The following ORC4 variants were observed in gnomAD, a reference collection of about 807,000 sequenced individuals.
ORC4 encodes origin recognition complex subunit 4.
A neutral mutation model predicts 63.9 loss-of-function variants in ORC4; 55 were observed. That is an observed-to-expected ratio of 0.86 (90% CI 0.69 to 1.08). The LOEUF (loss-of-function observed/expected upper bound fraction) is 1.08, where lower values mean the gene tolerates loss of function less well. ORC4 is among the 50% of genes least tolerant of loss of function. ORC4 has a pLI of 0.00. For missense variants in ORC4, 511 were observed against 504.4 expected, an observed-to-expected ratio of 1.01 and a Z score of -0.13; for synonymous variants, 150 against 168.5, an observed-to-expected ratio of 0.89 and a Z score of 0.85.
chr2:147,973,515 T>C lies in ORC4; in HGVS notation c.67A>G (p.Ile23Val), dbSNP rs1690348122. Residue 23 changes from isoleucine (I) to valine (V), a missense_variant, in exon 3 of 14, where the codon ATT (isoleucine) becomes GTT (valine). Transcript: ENST00000392857. The stretch of plus-strand genomic sequence containing the variant: ...TGACGACAAAATCTTTCACGTAAAA[T>C]TCTTTGTACCTGATGAAAATAAAGT... ...HTECLSQVQRILRERFCRQSP... is the reference protein window; with the variant it reads ...HTECLSQVQRVLRERFCRQSP... 6.3e-7 allele frequency: 1 copy of C among 1,585,574 alleles called. No homozygotes were observed. The highest frequency in any genetic ancestry group is 8.7e-7 in the Non-Finnish European group (1 of 1,155,306).
At chr2:147,944,677 G>T (rs1048789248) in intron 9 of ORC4, among the ~76,000 whole-genome samples, 3 of 140,956 alleles carry the variant, frequency 2.1e-5, no homozygotes, top group Non-Finnish European at 4.6e-5. Context: ...AAAATCATCT[G>T]CATGGAATAA....
chr2:147,998,479 T>A (rs1692111502), intron 1 of ORC4, among the ~76,000 whole-genome samples: 1 of 152,196 alleles, frequency 6.6e-6, no homozygotes, highest in South Asian at 2.1e-4. Flanking sequence ...GCTTAGTTCC[T>A]TCCCACAAGA....
chr2:147,946,596 A>T (rs1193705562), intron 9 of ORC4, among the ~76,000 whole-genome samples: 2 of 152,102 alleles, frequency 1.3e-5, no homozygotes, highest in Non-Finnish European at 2.9e-5. Flanking sequence ...GGTAATTGAA[A>T]TACCCGAGTC....
chr2:148,015,551 T>G (rs1693228685), intron 1 of ORC4, among the ~76,000 whole-genome samples: 1 of 152,012 alleles, frequency 6.6e-6, no homozygotes, highest in Non-Finnish European at 1.5e-5. Context: ...CCTGACCTCG[T>G]GATCCGCCCA....
Position 147,966,050 on chromosome 2 carries a change from A to T in ORC4, c.225+6689T>A, listed in dbSNP as rs191044979. 4.0e-4 allele frequency among the ~76,000 whole-genome samples: 61 copies of T among 152,182 alleles called. No individual in the cohort carries two copies. In the East Asian group the frequency reaches 8.3e-3, roughly 21 times the overall value. ...GGGAGACCTGGTCTATATTTTTTTT[A>T]AAAAGTAATAATAATGACAGGAACA... is the stretch of plus-strand genomic sequence containing the variant. On this transcript the variant is annotated intron_variant, in intron 4 of 13. Coordinates refer to ENST00000392857, the MANE Select transcript of ORC4 (RefSeq NM_181741.4).
intron 8 of ORC4, among the ~76,000 whole-genome samples, chr2:147,948,997 AT>A (rs1196092881): frequency 1.4e-5 from 2 of 147,598 alleles, no homozygotes; most frequent in Non-Finnish European, 3.0e-5. Flanking sequence ...AGTACACAGC[AT>A]ATTATATATA....
At chr2:148,019,409 G>A (rs971755495) in intron 1 of ORC4, among the ~76,000 whole-genome samples, 5 of 152,178 alleles carry the variant, frequency 3.3e-5, no homozygotes, top group Non-Finnish European at 5.9e-5. Flanking sequence ...GACCAACATG[G>A]TGAAACCCCG....
chr2:148,006,098 A>G (rs990238057), intron 1 of ORC4, among the ~76,000 whole-genome samples: 32 of 152,332 alleles, frequency 2.1e-4, no homozygotes, highest in Admixed American at 1.9e-3. Flanking sequence ...TAGGAAAGAC[A>G]GTCTTGCGCT....
At chr2:148,015,208 T>C (rs1693201844) in intron 1 of ORC4, among the ~76,000 whole-genome samples, 2 of 151,042 alleles carry the variant, frequency 1.3e-5, no homozygotes, top group Admixed American at 6.6e-5. Flanking sequence ...AAAAAAAAAT[T>C]CTAAAAGAGA....
At chr2:147,947,024 T>A (rs1354242360) in intron 9 of ORC4, among the ~76,000 whole-genome samples, 1 of 152,028 alleles carries the variant, frequency 6.6e-6, no homozygotes, top group Non-Finnish European at 1.5e-5. Context: ...TATTTTATAA[T>A]CAAACAATAA....
At chr2:148,014,015 G>A (rs994141891) in intron 1 of ORC4, among the ~76,000 whole-genome samples, 1 of 152,164 alleles carries the variant, frequency 6.6e-6, no homozygotes, top group Non-Finnish European at 1.5e-5. Context: ...AAAAAAGGCT[G>A]AGCTAATGGA....
intron 13 of ORC4, among the ~76,000 whole-genome samples, chr2:147,937,683 T>C (rs1214707809): frequency 1.3e-5 from 2 of 152,328 alleles, no homozygotes; most frequent in East Asian, 3.9e-4. Context: ...ATCTTTGTAG[T>C]GGACAATGGT....
intron 1 of ORC4, among the ~76,000 whole-genome samples, chr2:147,990,673 G>A (rs1691527225): frequency 6.6e-6 from 1 of 152,146 alleles, no homozygotes; most frequent in Non-Finnish European, 1.5e-5. Context: ...GGTAATTACT[G>A]ACAGTTTTGT....
chr2:147,938,315 A>T lies in ORC4; in HGVS notation c.1037T>A (p.Phe346Tyr), dbSNP rs1403915842. The T allele has an allele frequency of 6.2e-7, 1 of 1,605,860 alleles. No homozygotes were observed. Residue 346 changes from phenylalanine (F) to tyrosine (Y), a missense_variant, in exon 12 of 14, where the codon TTT (phenylalanine) becomes TAT (tyrosine). Physicochemically the swap from Phe to Tyr is conservative, Grantham distance 22. Coordinates refer to ENST00000392857, the MANE Select transcript of ORC4 (RefSeq NM_181741.4). ...CATCTCACCATTATAGACCATTTGA[A>T]AATTAAATGGCTCTTCCTCATAGAT... ...NDIYEEEPFN[F>Y]QMVYNEFQKF...
chr2:148,008,312 AG>A (rs1233807700), intron 1 of ORC4, among the ~76,000 whole-genome samples: 1 of 152,230 alleles, frequency 6.6e-6, no homozygotes, highest in Non-Finnish European at 1.5e-5. Context: ...CTATATTGTT[AG>A]AAGAGTTCTA....
chr2:148,000,605 G>A (rs1181801664), intron 1 of ORC4, among the ~76,000 whole-genome samples: 3 of 152,070 alleles, frequency 2.0e-5, no homozygotes, highest in Non-Finnish European at 4.4e-5. Flanking sequence ...TAGGATATAG[G>A]AAACAGAGGA....
chr2:147,958,926 GT>G, intron 4 of ORC4, 60 bp from the exon 5 acceptor site: 1 of 730,832 alleles, frequency 1.4e-6, no homozygotes, highest in Non-Finnish European at 2.4e-6. Context: ...GTCCATATTC[GT>G]TTTTAAACTA....
intron 1 of ORC4, among the ~76,000 whole-genome samples, chr2:147,996,974 T>TAAA (rs1692011616): frequency 6.6e-6 from 1 of 152,254 alleles, no homozygotes; most frequent in African/African-American, 2.4e-5. Context: ...CAGTTTTATT[T>TAAA]ATAATTGCCA....
chr2:147,987,037 A>AT (rs929165898), intron 1 of ORC4, among the ~76,000 whole-genome samples: 29 of 148,520 alleles, frequency 2.0e-4, no homozygotes, highest in East Asian at 3.9e-4. Context: ...ACTTAAAACT[A>AT]TTTTTTTTTT....
Sources: gnomAD v4.1 joint callset for allele counts (sites outside exome capture counted in the v4.1 genomes callset) on GRCh38, gnomAD v4.1.1 for gene constraint, MANE v1.5 for transcripts, NCBI Gene and HGNC (gene_info 2026-07-23, HGNC 2026-07-21) for gene names.